The following TULP4 variants were observed in gnomAD, a reference collection of about 807,000 sequenced individuals.
TULP4 encodes tubby-related protein 4.
In TULP4, 16 loss-of-function variants were observed where a neutral mutation model predicts 129.0. The observed-to-expected ratio is 0.12, with a 90% CI of 0.08 to 0.19. The LOEUF (loss-of-function observed/expected upper bound fraction) is 0.19. Ranked by LOEUF, TULP4 falls within the 10% of genes least tolerant of loss-of-function variation. The pLI is 1.00. For synonymous variants in TULP4, 998 were observed against 854.0 expected (o/e 1.17, Z -2.94); for missense variants, 1,842 against 2,059.1 (o/e 0.89, Z 2.04).
chr6:158,296,878 T>A (rs931575051), intron 1 of TULP4, among the ~76,000 whole-genome samples: 3 of 152,150 alleles, frequency 2.0e-5, no homozygotes, highest in Admixed American at 6.5e-5. Flanking sequence ...AGAGCAAAGA[T>A]CACATGCTTC....
At chr6:158,297,532 A>G (rs1779055869) in intron 1 of TULP4, among the ~76,000 whole-genome samples, 1 of 152,234 alleles carries the variant, frequency 6.6e-6, no homozygotes, top group Non-Finnish European at 1.5e-5. Flanking sequence ...TAGGGAAGTG[A>G]TAAATGTCCA....
chr6:158,312,066 G>C (rs934576592), upstream of TULP4: 7 of 395,586 alleles, frequency 1.8e-5, no homozygotes, highest in Non-Finnish European at 2.2e-5. Context: ...TAAGACTCCA[G>C]GGCCTCCCAG....
intron 1 of TULP4, among the ~76,000 whole-genome samples, chr6:158,395,843 T>C (rs697505): frequency 6.6e-6 from 1 of 152,022 alleles, no homozygotes; most frequent in African/African-American, 2.4e-5. Context: ...CCTCAAAGTT[T>C]AGAAGTCTGT....
At chr6:158,497,727 T>A (rs1780363158) in intron 11 of TULP4, among the ~76,000 whole-genome samples, 1 of 152,238 alleles carries the variant, frequency 6.6e-6, no homozygotes, top group Non-Finnish European at 1.5e-5. Context: ...GGGCCTTTCC[T>A]GCTATTGGGC....
intron 5 of TULP4, among the ~76,000 whole-genome samples, chr6:158,459,818 T>G (rs1458522198): frequency 2.0e-5 from 3 of 152,176 alleles, no homozygotes; most frequent in East Asian, 3.9e-4. Flanking sequence ...GCCTCACCTT[T>G]TGGTTTCCTT....
At chr6:158,408,345 G>A (rs1356785083) in intron 1 of TULP4, among the ~76,000 whole-genome samples, 1 of 152,084 alleles carries the variant, frequency 6.6e-6, no homozygotes, top group Non-Finnish European at 1.5e-5. Flanking sequence ...GCAAGTGGTG[G>A]GAGACAGGTC....
chr6:158,342,377 A>G (rs576996974), intron 1 of TULP4, among the ~76,000 whole-genome samples: 2 of 152,220 alleles, frequency 1.3e-5, no homozygotes, highest in African/African-American at 4.8e-5. Context: ...ATATTTATCA[A>G]CATGAGTCAC....
intron 1 of TULP4, among the ~76,000 whole-genome samples, chr6:158,234,519 A>G (rs1425683367): frequency 1.3e-5 from 2 of 152,220 alleles, no homozygotes; most frequent in Non-Finnish European, 2.9e-5. Flanking sequence ...CGGAATTTTT[A>G]TTCATCTGTT....
intron 1 of TULP4, among the ~76,000 whole-genome samples, chr6:158,325,401 G>T (rs1779724047): frequency 6.8e-6 from 1 of 146,340 alleles, no homozygotes; most frequent in Non-Finnish European, 1.5e-5. Flanking sequence ...CTCCCAGGCT[G>T]GAGTGCAGTG....
intron 1 of TULP4, among the ~76,000 whole-genome samples, chr6:158,382,333 G>A (rs1418249794): frequency 1.3e-5 from 2 of 152,172 alleles, no homozygotes; most frequent in African/African-American, 4.8e-5. Context: ...TAGAGGGCAA[G>A]GAATGGGTTT....
At chr6:158,241,578 C>G (rs1398383382) in intron 1 of TULP4, among the ~76,000 whole-genome samples, 1 of 152,092 alleles carries the variant, frequency 6.6e-6, no homozygotes, top group Non-Finnish European at 1.5e-5. Context: ...CCCGTCTCCA[C>G]CAAAACCAGT....
rs773565295 is a variant in TULP4 at position 158,392,794 on chromosome 6, C to CTTTTTTTTTTTTTTTTTTTTT, written c.253-20266_253-20246dup. Among the ~76,000 whole-genome samples the CTTTTTTTTTTTTTTTTTTTTT allele has an allele frequency of 1.6e-4, 9 of 54,648 alleles. 2 individuals are homozygous for CTTTTTTTTTTTTTTTTTTTTT. The highest frequency in any genetic ancestry group is 9.5e-4 in the South Asian group (1 of 1,056). The allele number at this position is 54,648 out of a possible 152,430, so 35.9% of individuals were successfully genotyped here. A position where few individuals can be genotyped will look rare whatever the true frequency, so the allele number is the denominator to read the frequency against. ...GTACCTATTGTTTAAATTTGTATTT[C>CTTTTTTTTTTTTTTTTTTTTT]TTTTTTTTTTTTTTTTTTTTTTTTT... is the stretch of plus-strand genomic sequence containing the variant. On this transcript the variant is annotated intron_variant, in intron 1 of 13. Transcript: ENST00000367097.
intron 6 of TULP4, among the ~76,000 whole-genome samples, chr6:158,464,181 T>C (rs1020110018): frequency 6.6e-6 from 1 of 152,226 alleles, no homozygotes; most frequent in African/African-American, 2.4e-5. Flanking sequence ...CCTGAGAATA[T>C]GTGATGTGCC....
chr6:158,350,863 C>T (rs965239994), intron 1 of TULP4, among the ~76,000 whole-genome samples: 6 of 151,790 alleles, frequency 4.0e-5, no homozygotes, highest in Non-Finnish European at 7.4e-5. Flanking sequence ...CGGTTTCCAG[C>T]GATTCTCTTG....
At chr6:158,388,322 C>CCTT (rs1375374518) in intron 1 of TULP4, among the ~76,000 whole-genome samples, 100 of 86,256 alleles carry the variant, frequency 1.2e-3, no homozygotes, top group African/African-American at 4.7e-3. Context: ...GCTCGTTTTT[C>CCTT]TTTTTTTTTT....
chr6:158,373,844 A>G (rs1403134890), intron 1 of TULP4, among the ~76,000 whole-genome samples: 1 of 152,174 alleles, frequency 6.6e-6, no homozygotes, highest in Non-Finnish European at 1.5e-5. Flanking sequence ...GAAGACATGG[A>G]TTTAGGACAA....
At chr6:158,364,924 A>T (rs1316377118) in intron 1 of TULP4, among the ~76,000 whole-genome samples, 1 of 151,894 alleles carries the variant, frequency 6.6e-6, no homozygotes, top group Non-Finnish European at 1.5e-5. Context: ...TTTAGTAGAG[A>T]TGGGGTTTCA....
At chr6:158,380,974 G>A (rs1777311564) in intron 1 of TULP4, among the ~76,000 whole-genome samples, 1 of 151,114 alleles carries the variant, frequency 6.6e-6, no homozygotes, top group South Asian at 2.1e-4. Context: ...GTCCTGACAC[G>A]GACAGTGGTG....
rs1364638915 is a variant in TULP4, at chr6:158,501,858, G to A, written c.2195G>A (p.Gly732Glu). The change falls in exon 13 of 14, where the codon GGG becomes GAG. Residue 732 changes from glycine (G) to glutamate (E), a missense_variant. By Grantham distance (98) the Gly-to-Glu change is moderately conservative (BLOSUM62 -2). Coordinates refer to ENST00000367097, the MANE Select transcript of TULP4 (RefSeq NM_020245.5). ...CTGACCAACCAGACGACAGCTGTAG[G>A]GACAGCAGAACATGCAGGTGACAGT... ...DVLTNQTTAV[G>E]TAEHAGDSAT... The A allele has an allele frequency of 2.5e-6, 4 of 1,614,006 alleles. No homozygotes were observed. Among genetic ancestry groups the A allele is most frequent in the Non-Finnish European group, 3.4e-6 (4 of 1,180,022 alleles).
Sources: allele counts gnomAD v4.1 joint callset (sites outside exome capture counted in the v4.1 genomes callset), GRCh38; gene constraint gnomAD v4.1.1; transcripts MANE v1.5; gene names NCBI Gene and HGNC (gene_info 2026-07-23, HGNC 2026-07-21).